SASH1: variants seen among roughly 807,000 people sequenced by gnomAD.
SASH1 encodes the protein SAM and SH3 domain containing 1.
A neutral mutation model predicts 125.2 loss-of-function variants in SASH1; 44 were observed. The ratio of observed to expected loss-of-function variants is 0.35; its 90% CI spans 0.28 to 0.45. The LOEUF (loss-of-function observed/expected upper bound fraction) is 0.45. Ranked by LOEUF, SASH1 falls within the 20% of genes least tolerant of loss-of-function variation. The probability of loss-of-function intolerance (pLI) is 1.00; values close to 1 mark genes in which losing one functional copy is unlikely to be tolerated. For missense variants in SASH1, 1,426 were observed against 1,614.5 expected, an observed-to-expected ratio of 0.88 and a Z score of 2.00; for synonymous variants, 639 against 649.1, an observed-to-expected ratio of 0.98 and a Z score of 0.24.
At chr6:148,379,491 A>G (rs1370394869) in intron 1 of SASH1, among the ~76,000 whole-genome samples, 12 of 152,170 alleles carry the variant, frequency 7.9e-5, no homozygotes, top group Admixed American at 6.5e-4. Context: ...GAAGCTCACC[A>G]TTATATATAA....
the SASH1 span, among the ~76,000 whole-genome samples, chr6:148,194,892 C>A: frequency 6.6e-6 from 1 of 152,062 alleles, no homozygotes; most frequent in South Asian, 2.1e-4. Flanking sequence ...GGCGACAGAG[C>A]GAGACTCCGT....
intron 1 of SASH1, among the ~76,000 whole-genome samples, chr6:148,349,652 G>A (rs118003664): frequency 0.024 from 3,705 of 152,234 alleles, 56 homozygotes; most frequent in Non-Finnish European, 0.035. Context: ...GGGATAGTGA[G>A]AGCCCCAACC....
chr6:148,462,246 G>T (rs1305536505), intron 4 of SASH1, among the ~76,000 whole-genome samples: 1 of 151,404 alleles, frequency 6.6e-6, no homozygotes, highest in African/African-American at 2.4e-5. Flanking sequence ...TATAGCATAT[G>T]TTCCTTTCTT....
At chr6:148,326,386 T>TATATATATATATACACA (rs1780826472) in intron 1 of SASH1, among the ~76,000 whole-genome samples, 3 of 63,196 alleles carry the variant, frequency 4.7e-5, no homozygotes, top group Non-Finnish European at 9.1e-5. Flanking sequence ...ATTCTTTTCT[T>TATATATATATATACACA]TTCTTTTCTT....
chr6:148,282,597 G>T (rs1250989526), intron 1 of SASH1, among the ~76,000 whole-genome samples: 1 of 151,912 alleles, frequency 6.6e-6, no homozygotes, highest in Non-Finnish European at 1.5e-5. Flanking sequence ...GGCCAGGCTG[G>T]TCTTGAACTC....
intron 1 of SASH1, among the ~76,000 whole-genome samples, chr6:148,350,088 A>G (rs556438935): frequency 7.5e-4 from 113 of 151,180 alleles, no homozygotes; most frequent in Non-Finnish European, 8.0e-4. Context: ...CTCGTGATCC[A>G]CTCACCTCGG....
Position 148,432,345 on chromosome 6 carries a change from G to C in SASH1, c.286-7839G>C, listed in dbSNP as rs2114980545. Among the ~76,000 whole-genome samples, 4 of 152,262 alleles carry C rather than the reference G, an allele frequency of 2.6e-5. No homozygotes were observed. In the Middle Eastern group the frequency reaches 0.014, roughly 518 times the overall value. On this transcript the variant is annotated intron_variant, in intron 2 of 19. Coordinates refer to ENST00000367467, the MANE Select transcript of SASH1 (RefSeq NM_015278.5). ...TCTGGTTTATCTGTTACTTGGTAAG[G>C]ATCTCTCCGGTGAAGAACACATATA...
chr6:148,427,452 C>T (rs1198185862), intron 2 of SASH1, among the ~76,000 whole-genome samples: 1 of 152,140 alleles, frequency 6.6e-6, no homozygotes, highest in South Asian at 2.1e-4. Flanking sequence ...GTAAAAGGTG[C>T]ATTCTTCTAA....
chr6:148,543,535 C>T (rs1300370281), intron 17 of SASH1, 145 bp from the exon 18 acceptor site: 7 of 638,372 alleles, frequency 1.1e-5, no homozygotes, highest in Non-Finnish European at 1.8e-5. Flanking sequence ...CACCCGATGT[C>T]ATAAATGGTG....
At position 148,319,022 on chromosome 6, in the gene SASH1, C is replaced by CTTTTTTTTTTTTTTTTTT. The variant is rs10695657; in HGVS notation, n.74+46656_74+46673dup. On this transcript the variant is annotated intron_variant and non_coding_transcript_variant, in intron 1 of 3. Coordinates refer to the SASH1 transcript ENST00000367469. ...ATATGGAAGAAGCCGCATTTATCTT[C>CTTTTTTTTTTTTTTTTTT]TTTTTTTTTTTTTTTTTTTTTTTTT... Among the ~76,000 whole-genome samples the CTTTTTTTTTTTTTTTTTT allele has an allele frequency of 1.6e-3, 106 of 66,684 alleles. 24 individuals carry two copies. Among genetic ancestry groups the CTTTTTTTTTTTTTTTTTT allele is most frequent in the Non-Finnish European group, 2.3e-3 (83 of 36,546 alleles). The allele number at this position is 66,684 out of a possible 152,430, so 43.7% of individuals were successfully genotyped here.
chr6:148,527,407 C>T (rs1781241839), intron 11 of SASH1, 46 bp from the exon 12 acceptor site: 1 of 1,520,282 alleles, frequency 6.6e-7, no homozygotes, highest in South Asian at 1.3e-5. Context: ...AAAACCTGTT[C>T]TTCATTTTCT....
intron 1 of SASH1, among the ~76,000 whole-genome samples, chr6:148,287,693 G>T (rs1301106803): frequency 1.3e-5 from 1 of 75,994 alleles, no homozygotes; most frequent in Non-Finnish European, 2.4e-5. Context: ...GTGCGTGTGT[G>T]TGGGGGGGTG....
rs888077159 is a variant in SASH1 at position 148,461,300 on chromosome 6, T to A, written c.387-7245T>A. The stretch of plus-strand genomic sequence containing the variant: ...CACCTGCCTTGTTCATTTATAAAGG[T>A]GACCCTGTAACAAAAAGCCAGCAAG... On this transcript the variant is annotated intron_variant, in intron 4 of 19. Transcript: ENST00000367467. Among the ~76,000 whole-genome samples, 6 of 152,246 alleles carry A rather than the reference T, an allele frequency of 3.9e-5. No homozygotes were observed. The East Asian group carries it at 9.6e-4, about 24-fold the overall frequency.
intron 1 of SASH1, among the ~76,000 whole-genome samples, chr6:148,290,939 G>A (rs6900229): frequency 0.45 from 65,000 of 145,488 alleles, 15,544 homozygotes; most frequent in African/African-American, 0.64. Context: ...ATTTCATTAT[G>A]TTTTATGAAA....
the SASH1 span, among the ~76,000 whole-genome samples, chr6:148,226,114 G>A: frequency 1.3e-5 from 2 of 152,168 alleles, no homozygotes; most frequent in Admixed American, 1.3e-4. Flanking sequence ...TGATTGCAAT[G>A]ACTATTCTCT....
At chr6:148,293,556 C>A (rs1352095606) in intron 1 of SASH1, among the ~76,000 whole-genome samples, 1 of 152,160 alleles carries the variant, frequency 6.6e-6, no homozygotes, top group African/African-American at 2.4e-5. Context: ...GACAGCTGTA[C>A]TTTCCCAGGC....
At chr6:148,461,894 G>A (rs150438006) in intron 4 of SASH1, among the ~76,000 whole-genome samples, 278 of 152,276 alleles carry the variant, frequency 1.8e-3, no homozygotes, top group African/African-American at 6.4e-3. Flanking sequence ...AAATATGAAG[G>A]TACAGTTATC....
the SASH1 span, among the ~76,000 whole-genome samples, chr6:148,260,796 CTTTT>C: frequency 4.8e-5 from 5 of 104,070 alleles, no homozygotes; most frequent in Admixed American, 1.1e-4. Flanking sequence ...CCTATAAGGG[CTTTT>C]TTTTTTTTTT....
At chr6:148,286,967 C>A (rs1779497856) in intron 1 of SASH1, among the ~76,000 whole-genome samples, 1 of 152,146 alleles carries the variant, frequency 6.6e-6, no homozygotes, top group African/African-American at 2.4e-5. Flanking sequence ...GGCTTCCATA[C>A]CACCCTGCAC....
Sources: allele counts gnomAD v4.1 joint callset (sites outside exome capture counted in the v4.1 genomes callset), GRCh38; gene constraint gnomAD v4.1.1; transcripts MANE v1.5; gene names NCBI Gene and HGNC (gene_info 2026-07-23, HGNC 2026-07-21).